Variants in CNOT2 observed in about 807,000 individuals in gnomAD.
The protein encoded by CNOT2 is CC chemokine receptor 4-negative regulator of transcription 2.
Under a neutral mutation model 72.1 loss-of-function variants are expected in CNOT2, and 7 were observed. The ratio of observed to expected loss-of-function variants is 0.10; its 90% confidence interval spans 0.06 to 0.18. The LOEUF (loss-of-function observed/expected upper bound fraction) is 0.18, where lower values mean the gene tolerates loss of function less well. CNOT2 is among the 10% of genes least tolerant of loss of function. CNOT2 has a pLI of 1.00. For missense variants in CNOT2, 345 were observed against 660.3 expected (o/e 0.52, Z 5.23); for synonymous variants, 196 against 225.6 (o/e 0.87, Z 1.17).
chr12:70,328,762 C>T lies in CNOT2; in HGVS notation c.239-661C>T, dbSNP rs532459893. Among the ~76,000 whole-genome samples, 98 of 150,488 alleles carry T rather than the reference C, an allele frequency of 6.5e-4. No homozygotes were observed. In the Middle Eastern group the frequency reaches 0.014, roughly 21 times the overall value. ...TAGAATGTATAGTCCATCCCCACAC[C>T]TGGCTCCAGGGGTACTAGATAAATA... On this transcript the variant is annotated intron_variant, in intron 4 of 15. Coordinates refer to ENST00000229195, the MANE Select transcript of CNOT2 (RefSeq NM_014515.7).
At chr12:70,298,538 A>G (rs978406573) in intron 2 of CNOT2, among the ~76,000 whole-genome samples, 4 of 152,206 alleles carry the variant, frequency 2.6e-5, no homozygotes, top group African/African-American at 9.6e-5. Flanking sequence ...TTCTAGCGTT[A>G]TCTTGATAAT....
At chr12:70,267,410 C>G (rs1959099702) in intron 1 of CNOT2, among the ~76,000 whole-genome samples, 1 of 152,174 alleles carries the variant, frequency 6.6e-6, no homozygotes, top group African/African-American at 2.4e-5. Context: ...TGTTTCTGTA[C>G]TTAATCGCTC....
At chr12:70,350,478 A>AT (rs1322838529) in intron 15 of CNOT2, among the ~76,000 whole-genome samples, 1 of 152,204 alleles carries the variant, frequency 6.6e-6, no homozygotes, top group East Asian at 1.9e-4. Context: ...GTTAATATGG[A>AT]TTTATTATAC....
chr12:70,303,997 T>C (rs1156257874), intron 2 of CNOT2, among the ~76,000 whole-genome samples: 1 of 152,244 alleles, frequency 6.6e-6, no homozygotes, highest in Admixed American at 6.5e-5. Flanking sequence ...GCTGATCTCA[T>C]TGGCTACTGA....
chr12:70,280,554 T>G (rs1022075106), intron 2 of CNOT2, among the ~76,000 whole-genome samples: 22 of 152,188 alleles, frequency 1.4e-4, no homozygotes, highest in Admixed American at 5.9e-4. Flanking sequence ...GGGCTTTTGC[T>G]TTTGAGGGAC....
At chr12:70,349,752 C>T (rs183599761) in intron 15 of CNOT2, among the ~76,000 whole-genome samples, 1 of 152,206 alleles carries the variant, frequency 6.6e-6, no homozygotes, top group African/African-American at 2.4e-5. Context: ...GTAATCCTAA[C>T]ACTTTGGGAG....
intron 2 of CNOT2, among the ~76,000 whole-genome samples, chr12:70,299,878 A>G (rs1207594380): frequency 3.3e-5 from 5 of 152,150 alleles, no homozygotes; most frequent in Non-Finnish European, 5.9e-5. Context: ...CATCCTCTCT[A>G]GCACCTGTTG....
intron 1 of CNOT2, among the ~76,000 whole-genome samples, chr12:70,262,343 G>T (rs1469272391): frequency 6.6e-6 from 1 of 152,104 alleles, no homozygotes; most frequent in South Asian, 2.1e-4. Flanking sequence ...GCGCAATCTC[G>T]GCTCACTGCA....
intron 15 of CNOT2, among the ~76,000 whole-genome samples, chr12:70,351,374 A>G (rs1882844506): frequency 6.6e-6 from 1 of 152,182 alleles, no homozygotes; most frequent in African/African-American, 2.4e-5. Flanking sequence ...TATAACAAAC[A>G]TGTAAATGGT....
intron 8 of CNOT2, chr12:70,335,778 A>G (rs2136044426): frequency 2.7e-6 from 1 of 364,626 alleles, no homozygotes; most frequent in Non-Finnish European, 5.0e-6. Context: ...AAAACTTTGT[A>G]CAAAAACCCA....
At chr12:70,267,766 G>A (rs111524062) in intron 1 of CNOT2, among the ~76,000 whole-genome samples, 13 of 152,258 alleles carry the variant, frequency 8.5e-5, no homozygotes, top group Non-Finnish European at 5.9e-5. Context: ...GATTTAAGAG[G>A]AAAAGAATAG....
chr12:70,249,980 ATGCT>A (rs1381819259), intron 1 of CNOT2, among the ~76,000 whole-genome samples: 10 of 152,212 alleles, frequency 6.6e-5, no homozygotes, highest in African/African-American at 2.4e-4. Context: ...TTTCTAATCT[ATGCT>A]TGCTTATGAG....
chr12:70,354,012 C>T lies in CNOT2; in HGVS notation c.*97C>T, dbSNP rs1883200901. 8 of 1,478,812 alleles carry T rather than the reference C, an allele frequency of 5.4e-6. No individual in the cohort carries two copies. The South Asian group carries it at 8.5e-5, about 16-fold the overall frequency. 91.6% of individuals were successfully genotyped at this position (1,478,812 alleles called of 1,614,324 possible). ...AACTGCAGAACTGATGTGGCTCAGG[C>T]ACCCTGGTTTTAATTCCTTGAGGAT... On this transcript the variant is annotated 3_prime_UTR_variant, in exon 16 of 16. Coordinates refer to ENST00000229195, the MANE Select transcript of CNOT2 (RefSeq NM_014515.7).
intron 1 of CNOT2, among the ~76,000 whole-genome samples, chr12:70,244,519 C>A (rs1017178138): frequency 6.6e-6 from 1 of 152,076 alleles, no homozygotes; most frequent in Admixed American, 6.5e-5. Flanking sequence ...TTATTCCAGG[C>A]CTGTAGGTAC....
chr12:70,243,593 AG>A, intron 1 of CNOT2, 113 bp downstream of exon 1: 1 of 151,616 alleles, frequency 6.6e-6, no homozygotes, highest in East Asian at 2.0e-4. Context: ...GGTCGCGCCC[AG>A]GGTCCGCCGG....
chr12:70,301,182 T>C (rs35055713), intron 2 of CNOT2, among the ~76,000 whole-genome samples: 18,068 of 152,232 alleles, frequency 0.12, 1,428 homozygotes, highest in Non-Finnish European at 0.18. Context: ...TCAATTTGAC[T>C]TCCTCTTTTC....
At chr12:70,337,821 G>T in intron 9 of CNOT2, 1 of 463,592 alleles carries the variant, frequency 2.2e-6, no homozygotes, top group South Asian at 1.6e-5. Flanking sequence ...TTTTTCTTGA[G>T]TAAGTTTTCT....
intron 1 of CNOT2, among the ~76,000 whole-genome samples, chr12:70,277,323 T>G (rs1252830881): frequency 6.6e-6 from 1 of 152,184 alleles, no homozygotes; most frequent in African/African-American, 2.4e-5. Flanking sequence ...AAGACAGCAT[T>G]TCTTGTGACT....
chr12:70,265,986 GAATTC>G (rs1959020099), intron 1 of CNOT2, among the ~76,000 whole-genome samples: 1 of 144,258 alleles, frequency 6.9e-6, no homozygotes, highest in African/African-American at 2.6e-5. Context: ...ATATTTGTAT[GAATTC>G]AATTCTTTTA....
Sources: allele counts gnomAD v4.1 joint callset (sites outside exome capture counted in the v4.1 genomes callset), GRCh38; gene constraint gnomAD v4.1.1; transcripts MANE v1.5; gene names NCBI Gene and HGNC (gene_info 2026-07-23, HGNC 2026-07-21).